Variants in STAU2 observed in about 807,000 individuals in gnomAD.
STAU2 encodes double-stranded RNA-binding protein Staufen homolog 2.
Under a neutral mutation model 65.9 loss-of-function variants are expected in STAU2, and 20 were observed. The observed-to-expected ratio is 0.30, with a 90% CI of 0.21 to 0.44. The LOEUF (loss-of-function observed/expected upper bound fraction) is 0.44. STAU2 is among the 20% of genes least tolerant of loss of function. The pLI, the probability that STAU2 is intolerant of heterozygous loss-of-function variation, is 1.00. For missense variants in STAU2, 558 were observed against 683.9 expected (o/e 0.82, Z 2.05); for synonymous variants, 232 against 233.9 (o/e 0.99, Z 0.07).
chr8:73,587,954 T>C (rs563329160), intron 11 of STAU2, among the ~76,000 whole-genome samples: 2 of 152,152 alleles, frequency 1.3e-5, no homozygotes, highest in Non-Finnish European at 2.9e-5. Flanking sequence ...CTTTGATGAA[T>C]ATAATGATCA....
At chr8:73,735,782 T>G (rs1404997540) in intron 3 of STAU2, among the ~76,000 whole-genome samples, 1 of 152,236 alleles carries the variant, frequency 6.6e-6, no homozygotes, top group Non-Finnish European at 1.5e-5. Context: ...CAATGCCTGA[T>G]TCAACATGAC....
intron 13 of STAU2, among the ~76,000 whole-genome samples, chr8:73,500,184 A>G (rs1289080652): frequency 6.6e-6 from 1 of 151,930 alleles, no homozygotes; most frequent in Non-Finnish European, 1.5e-5. Flanking sequence ...AGGAACCCAC[A>G]TGGATACCCA....
intron 13 of STAU2, among the ~76,000 whole-genome samples, chr8:73,478,966 C>A (rs1820464850): frequency 6.6e-6 from 1 of 152,058 alleles, no homozygotes; most frequent in Non-Finnish European, 1.5e-5. Flanking sequence ...ACCTTGGTTT[C>A]TTTTATTAAA....
Position 73,552,009 on chromosome 8 carries a change from T to C in STAU2, c.1530+3A>G. ...GTTTTTTGTTTTTGCTTTTAATTCATACCTGAAAGCCTTGAATCCTTGCTA... is the reference window on the plus strand; with the variant it reads ...GTTTTTTGTTTTTGCTTTTAATTCACACCTGAAAGCCTTGAATCCTTGCTA... On this transcript the variant is annotated splice_donor_region_variant and intron_variant, in intron 13 of 14. Coordinates refer to ENST00000524300, the MANE Select transcript of STAU2 (RefSeq NM_001164380.2). The C allele has an allele frequency of 1.3e-6, 2 of 1,538,884 alleles. No homozygotes were observed. The highest frequency in any genetic ancestry group is 1.7e-6 in the Non-Finnish European group (2 of 1,146,772).
chr8:73,747,332 A>G, upstream of STAU2: 1 of 1,524,450 alleles, frequency 6.6e-7, no homozygotes, highest in Non-Finnish European at 8.8e-7. Flanking sequence ...TCCCCGCCCG[A>G]CTGACCGTCT....
At chr8:73,592,918 A>G (rs1472505189) in intron 11 of STAU2, among the ~76,000 whole-genome samples, 2 of 152,196 alleles carry the variant, frequency 1.3e-5, no homozygotes, top group Non-Finnish European at 2.9e-5. Context: ...TGCCACACTC[A>G]TCAAAAGTCT....
At chr8:73,563,301 C>T (rs1228540232) in intron 12 of STAU2, among the ~76,000 whole-genome samples, 1 of 152,144 alleles carries the variant, frequency 6.6e-6, no homozygotes, top group Non-Finnish European at 1.5e-5. Context: ...TCTACCCCCA[C>T]CTAGCAGTAA....
intron 6 of STAU2, among the ~76,000 whole-genome samples, chr8:73,624,468 T>C (rs1344428409): frequency 6.6e-6 from 1 of 152,202 alleles, no homozygotes; most frequent in Non-Finnish European, 1.5e-5. Flanking sequence ...TTATCATAAT[T>C]AGAGCTAAAA....
intron 6 of STAU2, among the ~76,000 whole-genome samples, chr8:73,656,300 A>G (rs1240665723): frequency 1.3e-5 from 2 of 152,262 alleles, no homozygotes; most frequent in Non-Finnish European, 2.9e-5. Context: ...TTTTGTTATA[A>G]CAAGGTCACT....
intron 3 of STAU2, among the ~76,000 whole-genome samples, chr8:73,726,008 G>GT (rs755019951): frequency 0.065 from 9,456 of 144,474 alleles, 319 homozygotes; most frequent in Middle Eastern, 0.12. Flanking sequence ...GCGTGGTTAG[G>GT]TTTTTTTTTT....
intron 4 of STAU2, among the ~76,000 whole-genome samples, chr8:73,690,782 G>GA (rs1258941122): frequency 6.6e-6 from 1 of 152,038 alleles, no homozygotes; most frequent in Non-Finnish European, 1.5e-5. Context: ...AGAGAATTGG[G>GA]ATTTGTCATT....
intron 8 of STAU2, among the ~76,000 whole-genome samples, chr8:73,614,428 A>G (rs936128150): frequency 2.6e-5 from 4 of 152,212 alleles, no homozygotes; most frequent in African/African-American, 4.8e-5. Context: ...AAAACAGTCA[A>G]TGGATAAAAA....
intron 3 of STAU2, among the ~76,000 whole-genome samples, chr8:73,715,494 C>T (rs960031200): frequency 6.6e-6 from 1 of 150,764 alleles, no homozygotes; most frequent in Non-Finnish European, 1.5e-5. Flanking sequence ...ATTCAAATTC[C>T]AGTGATATAT....
rs1292626364 is a variant in STAU2 at position 73,709,075 on chromosome 8, G to A, written c.71C>T (p.Pro24Leu). Residue 24 changes from proline to leucine, a missense_variant, in exon 4 of 15, where the codon CCC becomes CTC. By Grantham distance (98) the Pro-to-Leu change is moderately conservative. Around this residue, in one of 3 missense-constraint regions of STAU2, gnomAD observed 112 missense variants for 114.2 expected, o/e 0.98. Coordinates refer to ENST00000524300, the MANE Select transcript of STAU2 (RefSeq NM_001164380.2). ...TCTTTCATTCAGAAGTTTATACTGG[G>A]GTTGGACTCTATTGAAACGGGCTAA... Reference protein sequence around the residue: ...NELARFNRVQPQYKLLNERGP... With the variant: ...NELARFNRVQLQYKLLNERGP... 1.3e-6 allele frequency: 2 copies of A among 1,532,798 alleles called. No individual in the cohort carries two copies. Among genetic ancestry groups the A allele is most frequent in the Non-Finnish European group, 1.7e-6 (2 of 1,144,770 alleles). 94.9% of individuals were successfully genotyped at this position (1,532,798 alleles called of 1,614,324 possible). A position where few individuals can be genotyped will look rare whatever the true frequency, so the allele number is the denominator to read the frequency against.
chr8:73,552,189 G>A lies in STAU2; in HGVS notation c.1353C>T (p.Phe451=). The change falls in exon 13 of 15, where the codon TTC becomes TTT. Residue 451 remains phenylalanine (F), a synonymous_variant. Transcript: ENST00000524300. ...TATTCGATGTGGGAGATATACTGAA[G>A]AAAGAGCTTGAAGGTTGGTTCATAT... ...PKDMNQPSSS[F]FSISPTSNSS... 1.2e-6 allele frequency: 2 copies of A among 1,614,032 alleles called. No homozygotes were observed. The highest frequency in any genetic ancestry group is 1.7e-6 in the Non-Finnish European group (2 of 1,179,910).
At chr8:73,582,860 A>T (rs368015653) in intron 11 of STAU2, 30 bp from the exon 12 acceptor site, 1 of 1,595,306 alleles carries the variant, frequency 6.3e-7, no homozygotes, top group African/African-American at 1.3e-5. Flanking sequence ...GTTCAAATCC[A>T]GAGAAACAAG....
intron 13 of STAU2, among the ~76,000 whole-genome samples, chr8:73,471,611 G>A (rs1820021587): frequency 1.3e-5 from 2 of 151,482 alleles, no homozygotes; most frequent in African/African-American, 4.8e-5. Context: ...CCGAGGTCAG[G>A]AGTTTGAGAA....
intron 4 of STAU2, among the ~76,000 whole-genome samples, chr8:73,696,994 G>T (rs1819729132): frequency 6.6e-6 from 1 of 152,140 alleles, no homozygotes; most frequent in Non-Finnish European, 1.5e-5. Context: ...CAGAAAAAAA[G>T]AAATAAATAA....
intron 11 of STAU2, among the ~76,000 whole-genome samples, chr8:73,585,455 G>A (rs1810296894): frequency 6.6e-6 from 1 of 152,208 alleles, no homozygotes. Flanking sequence ...ACACCAGCCT[G>A]GACAACGAGA....
Sources: allele counts gnomAD v4.1 joint callset (sites outside exome capture counted in the v4.1 genomes callset), GRCh38; gene constraint gnomAD v4.1.1; regional missense constraint gnomAD v4.1.1; transcripts MANE v1.5; gene names NCBI Gene and HGNC (gene_info 2026-07-23, HGNC 2026-07-21).